MAPT: variants seen among roughly 807,000 people sequenced by gnomAD.
MAPT encodes microtubule-associated protein tau.
MAPT carries 34 observed loss-of-function variants against 67.9 expected under a neutral mutation model. That is an observed-to-expected ratio of 0.50 (90% CI 0.38 to 0.67). MAPT has a LOEUF of 0.67. Ranked by LOEUF, MAPT falls within the 30% of genes least tolerant of loss-of-function variation. The pLI is 0.00. For missense variants in MAPT, 881 were observed against 1,115.2 expected, an observed-to-expected ratio of 0.79 and a Z score of 2.99; for synonymous variants, 456 against 464.5, an observed-to-expected ratio of 0.98 and a Z score of 0.23.
chr17:46,024,855 C>A lies in MAPT; in HGVS notation c.*684C>A. 1 of 158,160 alleles carries A rather than the reference C, an allele frequency of 6.3e-6. No homozygotes were observed. Among genetic ancestry groups the A allele is most frequent in the Non-Finnish European group, 1.4e-5 (1 of 71,644 alleles). 9.8% of individuals were successfully genotyped at this position (158,160 alleles called of 1,614,324 possible). The stretch of plus-strand genomic sequence containing the variant: ...CCACCTGCAGCGTCTGAGCGGCCGC[C>A]TGTCCTTGGTGGCCGGGGGTGGGGG... On this transcript the variant is annotated 3_prime_UTR_variant, in exon 13 of 13. Transcript: ENST00000262410.
rs138449302 is a variant in MAPT, at chr17:45,937,964, G to A, written c.-17-24357G>A. Among the ~76,000 whole-genome samples the A allele has an allele frequency of 7.2e-3, 1,092 of 152,304 alleles. 6 individuals are homozygous for A. Among genetic ancestry groups the A allele is most frequent in the Middle Eastern group, 0.01 (3 of 294 alleles). ...ACTGGGCAGGCTTGGGGGACCAAGG[G>A]TGGTAAATGGCTCAGTCTTTCATGA... On this transcript the variant is annotated intron_variant, in intron 1 of 12. Transcript: ENST00000262410.
intron 9 of MAPT, among the ~76,000 whole-genome samples, chr17:45,997,209 G>T (rs1427240417): frequency 6.6e-6 from 1 of 152,212 alleles, no homozygotes; most frequent in East Asian, 1.9e-4. Flanking sequence ...AGGTGGAGAA[G>T]CACAGACTTC....
intron 1 of MAPT, among the ~76,000 whole-genome samples, chr17:45,955,274 C>G (rs184170047): frequency 6.6e-5 from 10 of 152,332 alleles, no homozygotes; most frequent in African/African-American, 1.4e-4. Flanking sequence ...TAATCCCTCT[C>G]CCTGACCCCA....
chr17:45,897,861 T>C lies in MAPT; in HGVS notation c.-18+3175T>C, dbSNP rs1355909409. The C allele has an allele frequency of 6.6e-6, 1 of 152,232 alleles. No homozygotes were observed. Among genetic ancestry groups the C allele is most frequent in the African/African-American group, 2.4e-5 (1 of 41,422 alleles). The allele number at this position is 152,232 out of a possible 1,614,324, so 9.4% of individuals were successfully genotyped here. ...ATCTGATCCCCCTCGGCCCCTTAAC[T>C]GACCCATCCTACAGGAGACAGGGAA... is the stretch of plus-strand genomic sequence containing the variant. On this transcript the variant is annotated intron_variant, in intron 1 of 12. Coordinates refer to ENST00000262410, the MANE Select transcript of MAPT (RefSeq NM_001377265.1). This position sits in a 1 kb window ranked among gnomAD's most constrained non-coding sequence, Gnocchi z 5.0.
chr17:46,022,476 C>T (rs2076591826), intron 12 of MAPT, among the ~76,000 whole-genome samples: 1 of 149,728 alleles, frequency 6.7e-6, no homozygotes, highest in Non-Finnish European at 1.5e-5. Flanking sequence ...CTGGTTTTCT[C>T]TACGCCCATT....
intron 1 of MAPT, among the ~76,000 whole-genome samples, chr17:45,959,696 G>A (rs2070166741): frequency 6.6e-6 from 1 of 152,038 alleles, no homozygotes; most frequent in South Asian, 2.1e-4. Flanking sequence ...CAGGAGAATC[G>A]CTTGAAGCAA....
chr17:45,938,006 G>A (rs1208710254), intron 1 of MAPT, among the ~76,000 whole-genome samples: 1 of 152,196 alleles, frequency 6.6e-6, no homozygotes, highest in African/African-American at 2.4e-5. Context: ...CACACAGCAG[G>A]TGCGCCATCC....
intron 1 of MAPT, among the ~76,000 whole-genome samples, chr17:45,957,284 G>A (rs936307851): frequency 6.6e-6 from 1 of 152,110 alleles, no homozygotes; most frequent in South Asian, 2.1e-4. Flanking sequence ...TTTAATGATC[G>A]CCATTCTAAC....
At position 46,018,727 on chromosome 17, in the gene MAPT, A is replaced by G; in HGVS notation, c.2283A>G (p.Lys761=). 1.2e-6 allele frequency: 2 copies of G among 1,609,642 alleles called. No individual in the cohort carries two copies. The highest frequency in any genetic ancestry group is 2.2e-5 in the South Asian group (2 of 90,990). The change falls in exon 12 of 13, where the codon AAA becomes AAG. Residue 761 remains lysine, a synonymous_variant. Coordinates refer to ENST00000262410, the MANE Select transcript of MAPT (RefSeq NM_001377265.1). The part of the protein sequence containing the change: ...NITHVPGGGN[K]KIETHKLTFR... The stretch of plus-strand genomic sequence containing the variant: ...CCCACGTCCCTGGCGGAGGAAATAA[A>G]AAGGTAAAGGGGGTAGGGTGGGTTG...
chr17:45,920,867 C>T (rs1336646873), intron 1 of MAPT, among the ~76,000 whole-genome samples: 1 of 152,216 alleles, frequency 6.6e-6, no homozygotes, highest in Non-Finnish European at 1.5e-5. Flanking sequence ...GGCATGGAAC[C>T]TTCACCCACC....
chr17:45,996,981 G>A lies in MAPT; in HGVS notation c.1998+317G>A, dbSNP rs1253663309. Among the ~76,000 whole-genome samples the A allele has an allele frequency of 6.6e-6, 1 of 152,216 alleles. No homozygotes were observed. The highest frequency in any genetic ancestry group is 1.5e-5 in the Non-Finnish European group (1 of 68,042). On this transcript the variant is annotated intron_variant, in intron 9 of 12. Coordinates refer to ENST00000262410, the MANE Select transcript of MAPT (RefSeq NM_001377265.1). This position sits in a 1 kb window ranked among gnomAD's most constrained non-coding sequence, Gnocchi z 4.5. ...AATCGGACAGAGATGGCAGGGCTGT[G>A]TCTCCACGGCCGGAGGCTCTCATAG...
Position 46,006,951 on chromosome 17 carries a change from TAATAA to T in MAPT, c.1999-3332_1999-3328del, listed in dbSNP as rs922575328. 4.5e-3 allele frequency among the ~76,000 whole-genome samples: 638 copies of T among 142,234 alleles called. 2 individuals carry two copies. Among genetic ancestry groups the T allele is most frequent in the African/African-American group, 0.015 (582 of 39,206 alleles). 93.3% of individuals were successfully genotyped at this position (142,234 alleles called of 152,430 possible). On this transcript the variant is annotated intron_variant, in intron 9 of 12. Coordinates refer to ENST00000262410, the MANE Select transcript of MAPT (RefSeq NM_001377265.1). Reference sequence around the variant, plus strand: ...AAAATAAAAATAAAATAAAATAAAATAATAAAATAAAATAAAATAAAATAAAATAA... The same window carrying T: ...AAAATAAAAATAAAATAAAATAAAATAATAAAATAAAATAAAATAAAATAA...
At chr17:45,944,087 C>T (rs2068237121) in intron 1 of MAPT, among the ~76,000 whole-genome samples, 1 of 152,228 alleles carries the variant, frequency 6.6e-6, no homozygotes, top group African/African-American at 2.4e-5. Flanking sequence ...CACCTCGCAT[C>T]AGTCCAGAAT....
chr17:45,993,940 G>A (rs1388719850), intron 8 of MAPT: 1 of 1,576,536 alleles, frequency 6.3e-7, no homozygotes, highest in African/African-American at 1.3e-5. Context: ...AGCAAGTCCA[G>A]AGAAGACCAC....
chr17:45,899,964 G>C (rs574596717), intron 1 of MAPT, among the ~76,000 whole-genome samples: 1 of 152,168 alleles, frequency 6.6e-6, no homozygotes, highest in Admixed American at 6.5e-5. Flanking sequence ...GGATCAAGAC[G>C]TAGATTCAGT....
chr17:45,999,080 G>A (rs1015648150), intron 9 of MAPT, among the ~76,000 whole-genome samples: 1 of 152,152 alleles, frequency 6.6e-6, no homozygotes, highest in African/African-American at 2.4e-5. Flanking sequence ...GCACCTCTGG[G>A]GGCCCCTGGG....
intron 1 of MAPT, among the ~76,000 whole-genome samples, chr17:45,942,884 A>G (rs2068122211): frequency 6.6e-6 from 1 of 152,198 alleles, no homozygotes; most frequent in Non-Finnish European, 1.5e-5. Flanking sequence ...ACTTGCCCCA[A>G]AGTCGCACAG....
intron 3 of MAPT, 107 bp downstream of exon 3, chr17:45,972,052 C>G: frequency 1.2e-6 from 1 of 812,672 alleles, no homozygotes; most frequent in Non-Finnish European, 2.1e-6. Context: ...GAGAGATGTG[C>G]TCACTCCTTC....
At chr17:45,945,488 C>T (rs1171232422) in intron 1 of MAPT, among the ~76,000 whole-genome samples, 4 of 152,180 alleles carry the variant, frequency 2.6e-5, no homozygotes, top group African/African-American at 9.7e-5. Context: ...AGCGATGCTA[C>T]AAATTATACC....
Sources: gnomAD v4.1 joint callset for allele counts (sites outside exome capture counted in the v4.1 genomes callset) on GRCh38, gnomAD v4.1.1 for gene constraint, Gnocchi (gnomAD v3.1) non-coding constraint, MANE v1.5 for transcripts, NCBI Gene and HGNC (gene_info 2026-07-23, HGNC 2026-07-21) for gene names.